The following CDC42BPA variants were observed in gnomAD, a reference collection of about 807,000 sequenced individuals.
CDC42BPA encodes the protein CDC42 binding protein kinase alpha, also known as serine/threonine-protein kinase MRCK alpha.
A neutral mutation model predicts 223.5 loss-of-function variants in CDC42BPA; 80 were observed. That is an observed-to-expected ratio of 0.36 (90% CI 0.30 to 0.43). CDC42BPA has a LOEUF of 0.43. CDC42BPA is among the 20% of genes least tolerant of loss of function. The pLI, the probability that CDC42BPA is intolerant of heterozygous loss-of-function variation, is 1.00. For missense variants in CDC42BPA, 1,743 were observed against 2,099.9 expected, an observed-to-expected ratio of 0.83 and a Z score of 3.32; for synonymous variants, 694 against 718.6, an observed-to-expected ratio of 0.97 and a Z score of 0.55.
intron 35 of CDC42BPA, among the ~76,000 whole-genome samples, chr1:226,995,585 A>G (rs1316462831): frequency 6.6e-6 from 1 of 152,230 alleles, no homozygotes; most frequent in Non-Finnish European, 1.5e-5. Context: ...ACATAAAAGT[A>G]CTTTTACTTC....
intron 2 of CDC42BPA, among the ~76,000 whole-genome samples, chr1:227,221,908 T>C (rs950964865): frequency 6.6e-6 from 1 of 151,838 alleles, no homozygotes; most frequent in Admixed American, 6.6e-5. Context: ...CCTTTTGGTA[T>C]AAAAACTGGC....
chr1:227,053,370 G>A (rs1469021515), intron 21 of CDC42BPA, among the ~76,000 whole-genome samples: 1 of 152,162 alleles, frequency 6.6e-6, no homozygotes, highest in Non-Finnish European at 1.5e-5. Flanking sequence ...CCACCACCAG[G>A]CCATAAACTT....
chr1:227,068,511 A>G (rs1677566705), intron 21 of CDC42BPA: 1 of 204,240 alleles, frequency 4.9e-6, no homozygotes, highest in East Asian at 1.7e-4. Context: ...TATATTTAAG[A>G]TAAGAAAGAA....
At chr1:227,031,869 A>G (rs989510037) in intron 27 of CDC42BPA, among the ~76,000 whole-genome samples, 3 of 152,214 alleles carry the variant, frequency 2.0e-5, no homozygotes, top group African/African-American at 7.2e-5. Flanking sequence ...TACAAGTATT[A>G]ACTCATTTAA....
chr1:227,248,324 A>G (rs2063666), intron 2 of CDC42BPA, among the ~76,000 whole-genome samples: 14,897 of 152,164 alleles, frequency 0.098, 1,177 homozygotes, highest in East Asian at 0.36. Flanking sequence ...TCCTTGTTTG[A>G]AGATGATATG....
intron 15 of CDC42BPA, among the ~76,000 whole-genome samples, chr1:227,093,853 G>C (rs1284142990): frequency 6.6e-6 from 1 of 152,186 alleles, no homozygotes; most frequent in Non-Finnish European, 1.5e-5. Flanking sequence ...GCAAAAGACA[G>C]TGCTGAGAAC....
intron 2 of CDC42BPA, among the ~76,000 whole-genome samples, chr1:227,243,377 T>C (rs1680339878): frequency 6.7e-6 from 1 of 149,080 alleles, no homozygotes; most frequent in Non-Finnish European, 1.5e-5. Flanking sequence ...AATTAATAAG[T>C]GGCACACATA....
At chr1:227,002,623 T>C (rs371923681) in intron 35 of CDC42BPA, among the ~76,000 whole-genome samples, 1 of 152,160 alleles carries the variant, frequency 6.6e-6, no homozygotes, top group Non-Finnish European at 1.5e-5. Flanking sequence ...TGAGGTTAGG[T>C]AGAACACTGC....
intron 11 of CDC42BPA, among the ~76,000 whole-genome samples, chr1:227,120,858 T>C (rs1688543396): frequency 6.6e-6 from 1 of 152,156 alleles, no homozygotes; most frequent in Non-Finnish European, 1.5e-5. Flanking sequence ...GAAGACAATT[T>C]TTCCACAGCC....
At chr1:227,007,062 A>G (rs1401866264) in intron 34 of CDC42BPA, among the ~76,000 whole-genome samples, 2 of 152,236 alleles carry the variant, frequency 1.3e-5, no homozygotes, top group African/African-American at 4.8e-5. Context: ...CCTTAACTCT[A>G]TAATGGAAAT....
intron 2 of CDC42BPA, among the ~76,000 whole-genome samples, chr1:227,215,965 G>A (rs1674746365): frequency 6.6e-6 from 1 of 152,024 alleles, no homozygotes. Flanking sequence ...TATTCTACAT[G>A]ATCAATTTGA....
intron 1 of CDC42BPA, among the ~76,000 whole-genome samples, chr1:227,314,513 A>G (rs1694048616): frequency 6.6e-6 from 1 of 152,096 alleles, no homozygotes; most frequent in African/African-American, 2.4e-5. Flanking sequence ...TGCTATGAAC[A>G]AAACATTAAC....
At chr1:227,110,397 A>C (rs1686716662) in intron 14 of CDC42BPA, among the ~76,000 whole-genome samples, 1 of 152,180 alleles carries the variant, frequency 6.6e-6, no homozygotes, top group African/African-American at 2.4e-5. Context: ...TCTAAATGAC[A>C]CAGAGATGTG....
intron 5 of CDC42BPA, among the ~76,000 whole-genome samples, chr1:227,190,318 T>C (rs562036995): frequency 6.6e-6 from 1 of 152,320 alleles, no homozygotes; most frequent in East Asian, 1.9e-4. Context: ...ACTTACTAAC[T>C]AATGTCTCTG....
At chr1:227,040,753 AGT>A (rs1671204050) in intron 23 of CDC42BPA, among the ~76,000 whole-genome samples, 1 of 152,210 alleles carries the variant, frequency 6.6e-6, no homozygotes, top group Non-Finnish European at 1.5e-5. Context: ...GGAAAGAGGC[AGT>A]ATAACACTTG....
intron 21 of CDC42BPA, among the ~76,000 whole-genome samples, chr1:227,052,421 TA>T (rs915343719): frequency 6.6e-6 from 1 of 152,032 alleles, no homozygotes; most frequent in African/African-American, 2.4e-5. Flanking sequence ...TAACTGAAAG[TA>T]AAAAAAACCT....
At chr1:227,164,230 T>C (rs1222954699) in intron 5 of CDC42BPA, among the ~76,000 whole-genome samples, 1 of 152,204 alleles carries the variant, frequency 6.6e-6, no homozygotes, top group Non-Finnish European at 1.5e-5. Flanking sequence ...ATGAGCTTCC[T>C]ATCGGCAGAG....
At chr1:227,028,354 A>C (rs1668655803) in intron 30 of CDC42BPA, among the ~76,000 whole-genome samples, 1 of 152,138 alleles carries the variant, frequency 6.6e-6, no homozygotes, top group Admixed American at 6.5e-5. Flanking sequence ...ATTTTGGGGG[A>C]CCATGAGATA....
intron 5 of CDC42BPA, among the ~76,000 whole-genome samples, chr1:227,163,073 T>C: frequency 8.5e-6 from 1 of 118,236 alleles, no homozygotes; most frequent in Admixed American, 8.2e-5. Context: ...AACATAAATG[T>C]GTGTATGTTT....
Sources: allele counts gnomAD v4.1 joint callset (sites outside exome capture counted in the v4.1 genomes callset), GRCh38; gene constraint gnomAD v4.1.1; transcripts MANE v1.5; gene names NCBI Gene and HGNC (gene_info 2026-07-23, HGNC 2026-07-21).